Variants in SYN2 observed in about 807,000 individuals in gnomAD.
SYN2 encodes the protein synapsin II, also known as synapsin-2.
A neutral mutation model predicts 50.9 loss-of-function variants in SYN2; 19 were observed. The ratio of observed to expected loss-of-function variants is 0.37; its 90% confidence interval spans 0.26 to 0.55. SYN2 has a LOEUF of 0.55. Ranked by LOEUF, SYN2 falls within the 20% of genes least tolerant of loss-of-function variation. The pLI is 0.81. For synonymous variants in SYN2, 255 were observed against 224.9 expected (o/e 1.13, Z -1.20); for missense variants, 587 against 576.4 (o/e 1.02, Z -0.19).
intron 1 of SYN2, among the ~76,000 whole-genome samples, chr3:12,013,398 G>A (rs1245432618): frequency 3.9e-5 from 6 of 151,912 alleles, no homozygotes; most frequent in African/African-American, 1.2e-4. Context: ...TTTTTATACT[G>A]CATATTCTCC....
chr3:12,094,714 A>G (rs1177163737), intron 1 of SYN2, among the ~76,000 whole-genome samples: 3 of 152,214 alleles, frequency 2.0e-5, no homozygotes, highest in Admixed American at 2.0e-4. Flanking sequence ...ATATCTCTAA[A>G]CAATACATAT....
chr3:12,071,881 G>A (rs1450618183), intron 1 of SYN2, among the ~76,000 whole-genome samples: 3 of 152,182 alleles, frequency 2.0e-5, no homozygotes, highest in African/African-American at 7.2e-5. Flanking sequence ...CCAGAACACC[G>A]AGGGCTGTTA....
At chr3:12,179,059 C>A (rs143887186) in intron 10 of SYN2, among the ~76,000 whole-genome samples, 1 of 152,206 alleles carries the variant, frequency 6.6e-6, no homozygotes. Flanking sequence ...TTGCATTCCT[C>A]CCTTAACAAG....
intron 1 of SYN2, chr3:12,071,005 T>C: frequency 1.8e-6 from 1 of 551,308 alleles, no homozygotes. Flanking sequence ...GTGGTCCTGG[T>C]GTCTGGAGGC....
At chr3:12,189,838 A>G (rs980981045) in intron 12 of SYN2, among the ~76,000 whole-genome samples, 3 of 152,156 alleles carry the variant, frequency 2.0e-5, no homozygotes, top group Non-Finnish European at 4.4e-5. Context: ...AGAACAGGGA[A>G]ATTGAAGTGT....
chr3:12,104,570 C>CT (rs796837275), intron 1 of SYN2, among the ~76,000 whole-genome samples: 53,978 of 81,834 alleles, frequency 0.66, 18,473 homozygotes, highest in East Asian at 0.79. Flanking sequence ...CTTTTCTTTT[C>CT]TTTTTTTTTT....
chr3:12,145,105 G>A (rs1454823232), intron 3 of SYN2, among the ~76,000 whole-genome samples: 7 of 151,938 alleles, frequency 4.6e-5, no homozygotes, highest in Non-Finnish European at 1.0e-4. Context: ...AGTCCAGAAA[G>A]GAATAATAAT....
rs1224238428 is a variant in SYN2, at chr3:12,190,558, A to G, written c.1682A>G (p.Glu561Gly). ...ESSFFRSSAN[E>G]DEAKAETIRS... ...TCCTTCTTCCGGTCTTCAGCCAATGAGGATGAAGCCAAAGCAGAGACCATC... is the reference window on the plus strand; with the variant it reads ...TCCTTCTTCCGGTCTTCAGCCAATGGGGATGAAGCCAAAGCAGAGACCATC... The change falls in exon 13 of 13, where the codon GAG (glutamate) becomes GGG (glycine). Residue 561 changes from glutamate (E) to glycine (G), a missense_variant. Glu to Gly is a moderately conservative substitution (Grantham distance 98). Coordinates refer to ENST00000621198, the MANE Select transcript of SYN2 (RefSeq NM_133625.6). 5.6e-6 allele frequency: 9 copies of G among 1,613,340 alleles called. No individual in the cohort carries two copies. Among genetic ancestry groups the G allele is most frequent in the South Asian group, 1.1e-5 (1 of 90,984 alleles).
At chr3:12,027,264 T>G (rs1202711821) in intron 1 of SYN2, among the ~76,000 whole-genome samples, 1 of 152,216 alleles carries the variant, frequency 6.6e-6, no homozygotes, top group Non-Finnish European at 1.5e-5. Context: ...GCATTTCGTT[T>G]GTGGTAATTG....
At chr3:12,106,423 G>C (rs193161130) in intron 1 of SYN2, among the ~76,000 whole-genome samples, 4 of 152,254 alleles carry the variant, frequency 2.6e-5, no homozygotes, top group Admixed American at 1.3e-4. Context: ...CTGGGATTGT[G>C]GGGGTGGGGG....
chr3:12,038,499 A>G (rs1694548716), intron 1 of SYN2, among the ~76,000 whole-genome samples: 1 of 152,178 alleles, frequency 6.6e-6, no homozygotes, highest in Admixed American at 6.5e-5. Context: ...TAATTGATAG[A>G]TTAATTTGGA....
intron 11 of SYN2, chr3:12,184,956 C>G: frequency 1.0e-6 from 1 of 985,676 alleles, no homozygotes; most frequent in Non-Finnish European, 1.2e-6. Context: ...TTCTGAACTC[C>G]CAGATCTGAG....
chr3:12,033,202 G>T (rs1694417625), intron 1 of SYN2, among the ~76,000 whole-genome samples: 1 of 151,978 alleles, frequency 6.6e-6, no homozygotes, highest in Non-Finnish European at 1.5e-5. Flanking sequence ...CGGGGGTCAG[G>T]GGTCAGGGAC....
chr3:12,190,444 C>T, intron 12 of SYN2, 46 bp from the exon 13 acceptor site: 1 of 1,609,216 alleles, frequency 6.2e-7, no homozygotes, highest in Non-Finnish European at 8.5e-7. Context: ...CCCTGCCTTG[C>T]TGGGAACACC....
chr3:12,122,164 C>A (rs1291529009), intron 1 of SYN2, among the ~76,000 whole-genome samples: 1 of 152,186 alleles, frequency 6.6e-6, no homozygotes, highest in African/African-American at 2.4e-5. Context: ...AAAATTTAAT[C>A]ATCACAGTAG....
chr3:12,092,925 C>T (rs145877828), intron 1 of SYN2, among the ~76,000 whole-genome samples: 107 of 152,204 alleles, frequency 7.0e-4, no homozygotes, highest in African/African-American at 2.5e-3. Flanking sequence ...AACATTTTCC[C>T]TTTTTCCCCA....
chr3:12,115,879 T>TA (rs1470849671), intron 1 of SYN2, among the ~76,000 whole-genome samples: 9 of 152,342 alleles, frequency 5.9e-5, no homozygotes, highest in South Asian at 4.1e-4. Flanking sequence ...TGTTCATCTC[T>TA]GTACACCCAT....
intron 1 of SYN2, among the ~76,000 whole-genome samples, chr3:12,007,949 T>G (rs915754870): frequency 1.3e-5 from 2 of 152,226 alleles, no homozygotes; most frequent in African/African-American, 2.4e-5. Context: ...AAAATTTATC[T>G]GTGCCATTAA....
intron 1 of SYN2, among the ~76,000 whole-genome samples, chr3:12,116,778 C>T (rs563393003): frequency 5.9e-5 from 9 of 152,100 alleles, no homozygotes; most frequent in Non-Finnish European, 8.8e-5. Flanking sequence ...GAGACAGGGT[C>T]TCCATTCTCT....
Sources: gnomAD v4.1 joint callset for allele counts (sites outside exome capture counted in the v4.1 genomes callset) on GRCh38, gnomAD v4.1.1 for gene constraint, MANE v1.5 for transcripts, NCBI Gene and HGNC (gene_info 2026-07-23, HGNC 2026-07-21) for gene names.